BAIAP2L1: variants seen among roughly 807,000 people sequenced by gnomAD.
The protein encoded by BAIAP2L1 is BAR/IMD domain containing adaptor protein 2 like 1.
A neutral mutation model predicts 66.3 loss-of-function variants in BAIAP2L1; 35 were observed. The observed-to-expected ratio is 0.53, with a 90% confidence interval of 0.40 to 0.70. BAIAP2L1 has a LOEUF of 0.70. Among genes scored for constraint, BAIAP2L1 ranks in the 30% least tolerant of loss-of-function variants. The pLI is 0.00. For missense variants in BAIAP2L1, 622 were observed against 656.9 expected, an observed-to-expected ratio of 0.95 and a Z score of 0.58; for synonymous variants, 269 against 248.7, an observed-to-expected ratio of 1.08 and a Z score of -0.77.
intron 3 of BAIAP2L1, among the ~76,000 whole-genome samples, chr7:98,346,107 T>C (rs1801867602): frequency 6.6e-6 from 1 of 152,204 alleles, no homozygotes; most frequent in Non-Finnish European, 1.5e-5. Context: ...GTGAACTGTA[T>C]ACTTTAAATG....
chr7:98,312,713 G>A (rs1399398707), intron 7 of BAIAP2L1, among the ~76,000 whole-genome samples: 2 of 151,790 alleles, frequency 1.3e-5, no homozygotes, highest in East Asian at 3.9e-4. Context: ...CATTAGAGAA[G>A]TGAATCAGAC....
chr7:98,376,424 T>C (rs1032802203), intron 1 of BAIAP2L1, among the ~76,000 whole-genome samples: 13 of 152,004 alleles, frequency 8.6e-5, no homozygotes, highest in African/African-American at 2.2e-4. Flanking sequence ...GATGGGAGAA[T>C]TGCTTGAGCC....
intron 10 of BAIAP2L1, chr7:98,307,444 C>T (rs1584434405): frequency 7.3e-7 from 1 of 1,368,118 alleles, no homozygotes; most frequent in African/African-American, 1.5e-5. Flanking sequence ...AATGTTTAAA[C>T]TACTTTCAGA....
At chr7:98,387,130 G>A (rs1389189533) in intron 1 of BAIAP2L1, among the ~76,000 whole-genome samples, 1 of 152,082 alleles carries the variant, frequency 6.6e-6, no homozygotes, top group African/African-American at 2.4e-5. Flanking sequence ...AAGTTGTAAA[G>A]GCCAGCCCCC....
intron 7 of BAIAP2L1, among the ~76,000 whole-genome samples, chr7:98,313,643 G>A (rs1391497280): frequency 1.3e-5 from 2 of 152,044 alleles, no homozygotes; most frequent in African/African-American, 4.8e-5. Context: ...TTTGAGAGAG[G>A]ATTTTGGCTC....
At chr7:98,301,612 C>T (rs552243023) in intron 12 of BAIAP2L1, among the ~76,000 whole-genome samples, 4 of 152,126 alleles carry the variant, frequency 2.6e-5, no homozygotes, top group South Asian at 2.1e-4. Context: ...CCACCGTGCC[C>T]GGCCAAGCCT....
At chr7:98,400,682 G>T in intron 1 of BAIAP2L1, 120 bp downstream of exon 1, 1 of 1,171,610 alleles carries the variant, frequency 8.5e-7, no homozygotes, top group Non-Finnish European at 1.2e-6. Flanking sequence ...GACCGGGAGA[G>T]GTGGAAGGAC....
At chr7:98,298,825 C>T (rs374751070) in intron 12 of BAIAP2L1, among the ~76,000 whole-genome samples, 2 of 151,596 alleles carry the variant, frequency 1.3e-5, no homozygotes, top group Non-Finnish European at 2.9e-5. Context: ...CAGAGGCCCC[C>T]GGGGCTTTCA....
At chr7:98,305,483 CCTGGCTAG>C (rs1800619955) in intron 11 of BAIAP2L1, among the ~76,000 whole-genome samples, 1 of 152,096 alleles carries the variant, frequency 6.6e-6, no homozygotes, top group Non-Finnish European at 1.5e-5. Flanking sequence ...AGGCCTTCTA[CCTGGCTAG>C]CTGGATGGGT....
chr7:98,340,967 T>TC (rs1801730499), intron 3 of BAIAP2L1, among the ~76,000 whole-genome samples: 1 of 150,556 alleles, frequency 6.6e-6, no homozygotes, highest in Admixed American at 6.6e-5. Context: ...TGGTTTTTTT[T>TC]TTTTTTTTGT....
At chr7:98,345,147 A>C (rs1421238762) in intron 3 of BAIAP2L1, among the ~76,000 whole-genome samples, 1 of 152,150 alleles carries the variant, frequency 6.6e-6, no homozygotes, top group Non-Finnish European at 1.5e-5. Context: ...AGACACAAAA[A>C]AATTTACATC....
chr7:98,304,175 C>G (rs758831780), intron 12 of BAIAP2L1, 21 bp downstream of exon 12: 17 of 1,551,526 alleles, frequency 1.1e-5, no homozygotes, highest in Non-Finnish European at 1.4e-5. Flanking sequence ...ACCCAGGACG[C>G]CCTGCTGCGG....
At chr7:98,365,523 T>C (rs2115738874) in intron 1 of BAIAP2L1, among the ~76,000 whole-genome samples, 1 of 152,274 alleles carries the variant, frequency 6.6e-6, no homozygotes, top group Non-Finnish European at 1.5e-5. Context: ...CAGGATGGAG[T>C]GCAGTGGTGT....
intron 2 of BAIAP2L1, among the ~76,000 whole-genome samples, chr7:98,361,774 TG>T (rs540615214): frequency 4.6e-5 from 7 of 152,258 alleles, no homozygotes; most frequent in Admixed American, 1.3e-4. Flanking sequence ...CTTACTCTGT[TG>T]CTCAGGCTGG....
chr7:98,397,135 G>A (rs1017315017), intron 1 of BAIAP2L1, among the ~76,000 whole-genome samples: 5 of 152,046 alleles, frequency 3.3e-5, no homozygotes, highest in African/African-American at 1.2e-4. Flanking sequence ...GGAAGGTAAT[G>A]TAGTCTAAGG....
intron 1 of BAIAP2L1, among the ~76,000 whole-genome samples, chr7:98,369,663 AT>A (rs71112146): frequency 0.5 from 51,863 of 103,896 alleles, 12,960 homozygotes; most frequent in Middle Eastern, 0.63. Flanking sequence ...TGATTTCCTA[AT>A]TTTTTTTTTT....
chr7:98,337,133 C>T (rs959506512), intron 3 of BAIAP2L1, among the ~76,000 whole-genome samples: 13 of 152,052 alleles, frequency 8.5e-5, no homozygotes, highest in African/African-American at 3.1e-4. Flanking sequence ...GGGGTCACGG[C>T]GAGGTTACGA....
chr7:98,393,613 TCAGCCTCCCGAGTAGCTGGGACTA>T (rs1444600101), intron 1 of BAIAP2L1, among the ~76,000 whole-genome samples: 3 of 151,726 alleles, frequency 2.0e-5, no homozygotes, highest in Non-Finnish European at 2.9e-5. Context: ...TTCTCCCGCC[TCAGCCTCCCGAGTAGCTGGGACTA>T]CAGCCTCCCG....
intron 1 of BAIAP2L1, among the ~76,000 whole-genome samples, chr7:98,367,935 T>C (rs971961316): frequency 1.6e-4 from 24 of 151,686 alleles, no homozygotes; most frequent in African/African-American, 4.6e-4. Flanking sequence ...GGTTTCATCA[T>C]TTCTATGAAA....
Sources: gnomAD v4.1 joint callset for allele counts (sites outside exome capture counted in the v4.1 genomes callset) on GRCh38, gnomAD v4.1.1 for gene constraint, MANE v1.5 for transcripts, NCBI Gene and HGNC (gene_info 2026-07-23, HGNC 2026-07-21) for gene names.